Variants in YWHAE observed in about 807,000 individuals in gnomAD.
The protein encoded by YWHAE is 14-3-3 protein epsilon.
A neutral mutation model predicts 30.1 loss-of-function variants in YWHAE; 4 were observed. The observed-to-expected ratio is 0.13, with a 90% confidence interval of 0.07 to 0.30. YWHAE has a LOEUF of 0.30. Ranked by LOEUF, YWHAE falls within the 10% of genes least tolerant of loss-of-function variation. The probability of loss-of-function intolerance (pLI) is 1.00; values close to 1 mark genes in which losing one functional copy is unlikely to be tolerated. For synonymous variants in YWHAE, 118 were observed against 111.8 expected, an observed-to-expected ratio of 1.06 and a Z score of -0.35; for missense variants, 121 against 315.9, an observed-to-expected ratio of 0.38 and a Z score of 4.68.
At chr17:1,399,183 G>A (rs1177427606) in intron 1 of YWHAE, 1 of 152,088 alleles carries the variant, frequency 6.6e-6, no homozygotes. Flanking sequence ...TCAGAGTCGT[G>A]GCCTCCTGGT....
At chr17:1,386,197 T>C (rs897048576) in intron 1 of YWHAE, among the ~76,000 whole-genome samples, 1 of 152,204 alleles carries the variant, frequency 6.6e-6, no homozygotes, top group African/African-American at 2.4e-5. Context: ...TGAAACACTT[T>C]AAAGAGGTTT....
chr17:1,351,184 C>T (rs1024177397), intron 5 of YWHAE, among the ~76,000 whole-genome samples: 17 of 151,996 alleles, frequency 1.1e-4, no homozygotes, highest in African/African-American at 3.9e-4. Flanking sequence ...CATAGTGGAA[C>T]CCCGTCTCTA....
chr17:1,351,999 G>C (rs1193450327), intron 5 of YWHAE: 1 of 151,654 alleles, frequency 6.6e-6, no homozygotes, highest in South Asian at 2.1e-4. Flanking sequence ...GCCCAGGCTG[G>C]TCTTGAACTC....
At chr17:1,353,600 T>G (rs1385676501) in intron 5 of YWHAE, among the ~76,000 whole-genome samples, 1 of 151,880 alleles carries the variant, frequency 6.6e-6, no homozygotes, top group Non-Finnish European at 1.5e-5. Flanking sequence ...CCGTCTCTAC[T>G]AAAAATACAA....
intron 4 of YWHAE, among the ~76,000 whole-genome samples, chr17:1,356,169 AAAAC>A (rs1433703608): frequency 1.5e-4 from 14 of 94,620 alleles, no homozygotes; most frequent in African/African-American, 4.3e-4. Context: ...ACTCCGTCTA[AAAAC>A]ACACACACAC....
chr17:1,389,533 CTTT>C (rs780905326), intron 1 of YWHAE, among the ~76,000 whole-genome samples: 3 of 139,934 alleles, frequency 2.1e-5, no homozygotes, highest in Admixed American at 7.2e-5. Flanking sequence ...CGTTTTCTTT[CTTT>C]TTTTTTTTTT....
At chr17:1,348,387 AT>A (rs2072561344) in intron 5 of YWHAE, among the ~76,000 whole-genome samples, 1 of 152,182 alleles carries the variant, frequency 6.6e-6, no homozygotes, top group Non-Finnish European at 1.5e-5. Context: ...AGAAAAAGCA[AT>A]GATCCCTCCC....
chr17:1,353,568 G>A lies in YWHAE; in HGVS notation c.715+643C>T, dbSNP rs555355682. ...ACCTGAGGTCAGGAGTTCAAGACCA[G>A]CCTGACCAACATGGAGAAATCCCGT... On this transcript the variant is annotated intron_variant, in intron 5 of 5. Coordinates refer to ENST00000264335, the MANE Select transcript of YWHAE (RefSeq NM_006761.5). 2.0e-5 allele frequency among the ~76,000 whole-genome samples: 3 copies of A among 152,154 alleles called. No individual in the cohort carries two copies. The East Asian group carries it at 5.8e-4, about 29-fold the overall frequency.
intron 4 of YWHAE, among the ~76,000 whole-genome samples, chr17:1,356,991 C>T (rs574428699): frequency 6.7e-6 from 1 of 148,278 alleles, no homozygotes; most frequent in South Asian, 2.2e-4. Context: ...CAAAAGGGGC[C>T]GGGCGCGGTG....
chr17:1,346,347 T>A (rs532618169), intron 5 of YWHAE, among the ~76,000 whole-genome samples: 6 of 152,254 alleles, frequency 3.9e-5, no homozygotes, highest in South Asian at 2.1e-4. Context: ...TGTACTTTTT[T>A]AAAAAAACCA....
chr17:1,357,711 A>C (rs1395618958), intron 4 of YWHAE, among the ~76,000 whole-genome samples: 1 of 152,096 alleles, frequency 6.6e-6, no homozygotes, highest in African/African-American at 2.4e-5. Context: ...GGATCACTTA[A>C]GGTGAGGTGT....
intron 1 of YWHAE, among the ~76,000 whole-genome samples, chr17:1,394,488 C>T (rs956724332): frequency 2.7e-5 from 4 of 146,494 alleles, no homozygotes; most frequent in Admixed American, 6.7e-5. Context: ...GTGCAACAGT[C>T]CCAGCTACTA....
intron 4 of YWHAE, among the ~76,000 whole-genome samples, chr17:1,357,220 G>A (rs1243040044): frequency 1.3e-5 from 2 of 151,280 alleles, no homozygotes; most frequent in Admixed American, 6.6e-5. Context: ...TGGCTAACAC[G>A]GTGAAACCCC....
intron 1 of YWHAE, among the ~76,000 whole-genome samples, chr17:1,394,460 A>AAAAAAAAAAAAACC (rs1555647412): frequency 2.2e-5 from 3 of 137,632 alleles, no homozygotes; most frequent in African/African-American, 8.6e-5. Context: ...AAAAAAAAAA[A>AAAAAAAAAAAAACC]ACACAAAAAT....
At chr17:1,352,595 A>G (rs1441328280) in intron 5 of YWHAE, among the ~76,000 whole-genome samples, 2 of 150,986 alleles carry the variant, frequency 1.3e-5, no homozygotes, top group African/African-American at 4.9e-5. Flanking sequence ...CGTATCTCTC[A>G]GCTCACTGCA....
At chr17:1,399,709 G>C (rs1173777855) in intron 1 of YWHAE, 19 of 490,124 alleles carry the variant, frequency 3.9e-5, no homozygotes, top group Non-Finnish European at 7.1e-5. Context: ...TCCCATGAGG[G>C]TGGCTCGTTC....
At chr17:1,348,799 G>A (rs1319496516) in intron 5 of YWHAE, among the ~76,000 whole-genome samples, 1 of 152,158 alleles carries the variant, frequency 6.6e-6, no homozygotes, top group Non-Finnish European at 1.5e-5. Flanking sequence ...CGAGGCAGGC[G>A]GATCACGAGG....
intron 2 of YWHAE, among the ~76,000 whole-genome samples, chr17:1,363,845 G>A (rs1018043942): frequency 5.1e-5 from 7 of 136,510 alleles, no homozygotes; most frequent in East Asian, 2.3e-4. Flanking sequence ...CTGTATTTAC[G>A]TGCCTGTCTC....
At chr17:1,385,551 C>A (rs1481000181) in intron 1 of YWHAE, among the ~76,000 whole-genome samples, 1 of 152,118 alleles carries the variant, frequency 6.6e-6, no homozygotes, top group Admixed American at 6.6e-5. Flanking sequence ...AATTTTTCCA[C>A]AGACCAGTAT....
Sources: gnomAD v4.1 joint callset for allele counts (sites outside exome capture counted in the v4.1 genomes callset) on GRCh38, gnomAD v4.1.1 for gene constraint, MANE v1.5 for transcripts, NCBI Gene and HGNC (gene_info 2026-07-23, HGNC 2026-07-21) for gene names.